The following PDE12 variants were observed in gnomAD, a reference collection of about 807,000 sequenced individuals.
PDE12 encodes 2',5'-phosphodiesterase 12.
Under a neutral mutation model 45.4 loss-of-function variants are expected in PDE12, and 26 were observed. The observed-to-expected ratio is 0.57, with a 90% CI of 0.42 to 0.79. The LOEUF is 0.79. Ranked by LOEUF, PDE12 falls within the 30% of genes least tolerant of loss-of-function variation. The pLI, the probability that PDE12 is intolerant of heterozygous loss-of-function variation, is 0.00. For missense variants in PDE12, 668 were observed against 790.0 expected, an observed-to-expected ratio of 0.85 and a Z score of 1.85; for synonymous variants, 283 against 323.9, an observed-to-expected ratio of 0.87 and a Z score of 1.36.
At chr3:57,653,054 G>A in the PDE12 span, among the ~76,000 whole-genome samples, 1 of 152,116 alleles carries the variant, frequency 6.6e-6, no homozygotes, top group Non-Finnish European at 1.5e-5. Context: ...TTGTTTGTAG[G>A]AAATAGACTC....
At chr3:57,570,195 T>C (rs2069823635), downstream of PDE12, among the ~76,000 whole-genome samples, 2 of 150,630 alleles carry the variant, frequency 1.3e-5, no homozygotes, top group Admixed American at 6.6e-5. Flanking sequence ...CAACCAATTC[T>C]AATTTCCTTT....
At position 57,564,442 on chromosome 3, in the gene PDE12, A is replaced by G. The variant is rs1410834079; in HGVS notation, c.*4438A>G. ...TCTGTCCAATTTATGTAATGAATGT[A>G]TGTCAAAGCATTTATATAACACAGT... is the stretch of plus-strand genomic sequence containing the variant. On this transcript the variant is annotated 3_prime_UTR_variant, in exon 3 of 3. Coordinates refer to ENST00000311180, the MANE Select transcript of PDE12 (RefSeq NM_177966.7). 1 of 152,196 alleles carries G rather than the reference A, an allele frequency of 6.6e-6. No homozygotes were observed. Among genetic ancestry groups the G allele is most frequent in the East Asian group, 1.9e-4 (1 of 5,198 alleles). 9.4% of individuals were successfully genotyped at this position (152,196 alleles called of 1,614,324 possible).
chr3:57,640,994 C>G, the PDE12 span, among the ~76,000 whole-genome samples: 1 of 151,594 alleles, frequency 6.6e-6, no homozygotes. Context: ...AAATCAATAA[C>G]CTGTGCTACA....
chr3:57,623,495 A>G, the PDE12 span, among the ~76,000 whole-genome samples: 1 of 152,116 alleles, frequency 6.6e-6, no homozygotes. Context: ...CCTGACCAAC[A>G]TGGTGAAACC....
chr3:57,621,595 G>A, the PDE12 span, among the ~76,000 whole-genome samples: 1 of 152,026 alleles, frequency 6.6e-6, no homozygotes, highest in African/African-American at 2.4e-5. Context: ...GCTTGAACCC[G>A]GTTGCAGTGA....
downstream of PDE12, among the ~76,000 whole-genome samples, chr3:57,568,606 G>A (rs1219130014): frequency 1.4e-5 from 2 of 144,084 alleles, no homozygotes; most frequent in Middle Eastern, 3.7e-3. Flanking sequence ...TTTTAATAGA[G>A]ATGGAGGTCT....
chr3:57,584,165 G>A, the PDE12 span: 2 of 699,208 alleles, frequency 2.9e-6, no homozygotes, highest in Non-Finnish European at 4.8e-6. Flanking sequence ...GCCTCATTAT[G>A]TTATGCAGGC....
chr3:57,610,504 A>AT, the PDE12 span, among the ~76,000 whole-genome samples: 1 of 140,508 alleles, frequency 7.1e-6, no homozygotes, highest in Non-Finnish European at 1.6e-5. Flanking sequence ...TCCGCCCAAA[A>AT]TCTCCTTAAC....
downstream of PDE12, among the ~76,000 whole-genome samples, chr3:57,568,369 C>G (rs189382687): frequency 2.6e-5 from 4 of 151,960 alleles, no homozygotes; most frequent in Admixed American, 2.6e-4. Flanking sequence ...GTGGGAGGAT[C>G]GCTTGAGCTT....
the PDE12 span, among the ~76,000 whole-genome samples, chr3:57,598,632 T>C: frequency 6.6e-6 from 1 of 152,022 alleles, no homozygotes; most frequent in Non-Finnish European, 1.5e-5. Context: ...ATAGAATAAA[T>C]TAACCGGGCG....
downstream of PDE12, among the ~76,000 whole-genome samples, chr3:57,570,219 G>GTTTTTTTTTTTT (rs34599005): frequency 2.0e-5 from 2 of 102,314 alleles, no homozygotes; most frequent in African/African-American, 3.9e-5. Context: ...TTAATCCAGT[G>GTTTTTTTTTTTT]TTTTTTTTTT....
chr3:57,604,286 GAATT>G, the PDE12 span, among the ~76,000 whole-genome samples: 3 of 152,118 alleles, frequency 2.0e-5, no homozygotes, highest in East Asian at 1.9e-4. Context: ...AGAAACGAGA[GAATT>G]AATCTACAAA....
the PDE12 span, chr3:57,654,874 ATTC>A: frequency 1.3e-6 from 1 of 795,676 alleles, no homozygotes; most frequent in Non-Finnish European, 1.5e-6. Context: ...GTAAACTTTC[ATTC>A]ACACTAATAA....
Position 57,556,665 on chromosome 3 carries a change from A to G in PDE12, c.286A>G (p.Arg96Gly). The G allele has an allele frequency of 6.2e-7, 1 of 1,600,034 alleles. No homozygotes were observed. The highest frequency in any genetic ancestry group is 8.5e-7 in the Non-Finnish European group (1 of 1,170,204). ...HAKAAAAKKSRKSRPNASGGA... is the reference protein window; with the variant it reads ...HAKAAAAKKSGKSRPNASGGA... ...TAAGGCGGCCGCCGCCAAGAAGAGC[A>G]GGAAGAGCCGGCCGAATGCTAGCGG... The change falls in exon 1 of 3, where the codon AGG becomes GGG. Residue 96 changes from arginine (R) to glycine (G), a missense_variant. Coordinates refer to ENST00000311180, the MANE Select transcript of PDE12 (RefSeq NM_177966.7). The surrounding 1 kb of genome is among the most constrained non-coding windows in gnomAD (Gnocchi z 5.0).
chr3:57,652,305 G>C, the PDE12 span, among the ~76,000 whole-genome samples: 1 of 152,156 alleles, frequency 6.6e-6, no homozygotes, highest in African/African-American at 2.4e-5. Context: ...GCAGCCCTAT[G>C]GAGAAGTCCA....
chr3:57,585,896 G>A, the PDE12 span, among the ~76,000 whole-genome samples: 35 of 151,970 alleles, frequency 2.3e-4, 2 homozygotes, highest in South Asian at 7.1e-3. Flanking sequence ...TCCTGACCTC[G>A]GGTGATCTGC....
the PDE12 span, among the ~76,000 whole-genome samples, chr3:57,622,736 A>G: frequency 4.2e-3 from 633 of 152,356 alleles, 6 homozygotes; most frequent in African/African-American, 0.015. Flanking sequence ...ATATAACAAA[A>G]TACTACTTAC....
At chr3:57,603,662 G>A in the PDE12 span, among the ~76,000 whole-genome samples, 2 of 125,030 alleles carry the variant, frequency 1.6e-5, no homozygotes, top group Non-Finnish European at 3.4e-5. Flanking sequence ...CGCTCTTATT[G>A]CCCAGGCTGG....
chr3:57,608,372 A>C, the PDE12 span, among the ~76,000 whole-genome samples: 2 of 152,174 alleles, frequency 1.3e-5, no homozygotes, highest in African/African-American at 4.8e-5. Context: ...GACAGGATCA[A>C]ATTCACACAT....
Sources: allele counts gnomAD v4.1 joint callset (sites outside exome capture counted in the v4.1 genomes callset), GRCh38; gene constraint gnomAD v4.1.1; non-coding constraint Gnocchi (gnomAD v3.1); transcripts MANE v1.5; gene names NCBI Gene and HGNC (gene_info 2026-07-23, HGNC 2026-07-21).